Variants in MTCL1 observed in about 807,000 individuals in gnomAD.
MTCL1 encodes the protein microtubule crosslinking factor 1, also known as microtubule cross-linking factor 1.
Under a neutral mutation model 141.4 loss-of-function variants are expected in MTCL1, and 79 were observed. The observed-to-expected ratio is 0.56, with a 90% confidence interval of 0.47 to 0.67. The LOEUF is 0.67. Ranked by LOEUF, MTCL1 falls within the 30% of genes least tolerant of loss-of-function variation. The probability of loss-of-function intolerance (pLI) is 0.00; values close to 1 mark genes in which losing one functional copy is unlikely to be tolerated. For missense variants in MTCL1, 2,177 were observed against 2,113.9 expected (o/e 1.03, Z -0.59); for synonymous variants, 914 against 875.8 (o/e 1.04, Z -0.77).
At chr18:8,800,611 CCATCCTGA>C (rs2143978960) in intron 10 of MTCL1, 1 of 152,376 alleles carries the variant, frequency 6.6e-6, no homozygotes, top group East Asian at 1.9e-4. Context: ...GTTTCCCCAG[CCATCCTGA>C]AGAGCAGAGG....
chr18:8,820,895 C>T (rs2076824048), intron 13 of MTCL1, among the ~76,000 whole-genome samples: 1 of 152,216 alleles, frequency 6.6e-6, no homozygotes, highest in Non-Finnish European at 1.5e-5. Context: ...ATGCCGTTCT[C>T]TACAAACACA....
chr18:8,784,278 G>A (rs2096542879), exon 6 of MTCL1: 2 of 1,594,680 alleles, frequency 1.3e-6, no homozygotes, highest in Middle Eastern at 1.7e-4. Flanking sequence ...GATGCCGAGA[G>A]TGATGCGGGC....
At chr18:8,808,333 C>T (rs1204088651) in intron 11 of MTCL1, among the ~76,000 whole-genome samples, 1 of 152,200 alleles carries the variant, frequency 6.6e-6, no homozygotes, top group African/African-American at 2.4e-5. Context: ...TTAAGTGTTT[C>T]CAAAGCCCGA....
chr18:8,746,981 C>T (rs1474416449), intron 4 of MTCL1, among the ~76,000 whole-genome samples: 1 of 152,168 alleles, frequency 6.6e-6, no homozygotes, highest in African/African-American at 2.4e-5. Flanking sequence ...CTGCCAGTTC[C>T]GTCTCTCCAC....
At chr18:8,765,007 A>G (rs1313727045) in intron 4 of MTCL1, among the ~76,000 whole-genome samples, 3 of 152,206 alleles carry the variant, frequency 2.0e-5, no homozygotes, top group Admixed American at 6.5e-5. Context: ...CTATGTAGGT[A>G]TGTGACTAGG....
intron 7 of MTCL1, among the ~76,000 whole-genome samples, chr18:8,790,161 G>A (rs2143728810): frequency 6.6e-6 from 1 of 152,308 alleles, no homozygotes; most frequent in Non-Finnish European, 1.5e-5. Flanking sequence ...ACTCTTCAAA[G>A]GTGTGGTTCA....
At chr18:8,716,307 G>T (rs2096127792), upstream of MTCL1, among the ~76,000 whole-genome samples, 1 of 152,132 alleles carries the variant, frequency 6.6e-6, no homozygotes, top group South Asian at 2.1e-4. Context: ...ATGAGTCCTG[G>T]TCAAGTGAGT....
At chr18:8,751,131 G>A (rs1030563697) in intron 4 of MTCL1, among the ~76,000 whole-genome samples, 14 of 152,236 alleles carry the variant, frequency 9.2e-5, no homozygotes, top group Non-Finnish European at 2.1e-4. Flanking sequence ...CACATGGACT[G>A]TGTCTGGATT....
At chr18:8,718,643 T>G (rs141424283) in exon 3 of MTCL1, 2 of 1,612,590 alleles carry the variant, frequency 1.2e-6, no homozygotes, top group African/African-American at 2.7e-5. Flanking sequence ...GGAGCAGGAC[T>G]TGAAGGTGAG....
chr18:8,745,455 C>G (rs973339925), intron 4 of MTCL1, among the ~76,000 whole-genome samples: 2 of 152,212 alleles, frequency 1.3e-5, no homozygotes, highest in Non-Finnish European at 2.9e-5. Context: ...TTCTTACATG[C>G]TGATGCCGGC....
upstream of MTCL1, among the ~76,000 whole-genome samples, chr18:8,716,569 A>ATTTTTT (rs138840096): frequency 4.1e-4 from 43 of 103,854 alleles, no homozygotes; most frequent in Non-Finnish European, 5.3e-4. Flanking sequence ...CTTTTTGTTC[A>ATTTTTT]TTTTTTTTTT....
At chr18:8,785,432 C>T (rs1287221103) in intron 6 of MTCL1, among the ~76,000 whole-genome samples, 1 of 152,174 alleles carries the variant, frequency 6.6e-6, no homozygotes, top group Non-Finnish European at 1.5e-5. Flanking sequence ...CTGCTGGCTC[C>T]TGCCGCCCTG....
rs1479309449 is a variant in MTCL1, at chr18:8,828,010, C to T, written c.4723-898C>T. ...CTCAGAGCGGGCATGGAGCACTCAT[C>T]GGCAGCATCTAAATGCCACGGGCTC... On this transcript the variant is annotated intron_variant, in intron 15 of 16. Transcript: ENST00000359865. This position sits in a 1 kb window ranked among gnomAD's most constrained non-coding sequence, Gnocchi z 5.2. 6.6e-6 allele frequency among the ~76,000 whole-genome samples: 1 copy of T among 152,202 alleles called. No homozygotes were observed. Among genetic ancestry groups the T allele is most frequent in the Admixed American group, 6.5e-5 (1 of 15,282 alleles).
chr18:8,706,487 C>T, exon 1 of MTCL1: 1 of 1,270,204 alleles, frequency 7.9e-7, no homozygotes, highest in Non-Finnish European at 9.9e-7. Flanking sequence ...CCCCTCGCCG[C>T]GGGCGCCTGT....
intron 1 of MTCL1, among the ~76,000 whole-genome samples, chr18:8,711,769 C>T (rs1015955244): frequency 1.3e-5 from 2 of 151,220 alleles, no homozygotes; most frequent in Non-Finnish European, 2.9e-5. Flanking sequence ...TGTTTGAGTT[C>T]ATTGTAGATT....
chr18:8,763,650 T>C (rs116396787), intron 4 of MTCL1, among the ~76,000 whole-genome samples: 272 of 152,380 alleles, frequency 1.8e-3, no homozygotes, highest in African/African-American at 6.4e-3. Context: ...TCAGCCTTAT[T>C]GCTCATTTGA....
chr18:8,825,979 G>C (rs570299046), exon 15 of MTCL1: 3 of 1,598,296 alleles, frequency 1.9e-6, no homozygotes, highest in South Asian at 2.3e-5. Flanking sequence ...ACCAATTCCC[G>C]AGGAAGGTCG....
chr18:8,830,396 G>A lies in MTCL1; in HGVS notation c.*19-1211G>A. 2 of 985,562 alleles carry A rather than the reference G, an allele frequency of 2.0e-6. No homozygotes were observed. Among genetic ancestry groups the A allele is most frequent in the Non-Finnish European group, 2.4e-6 (2 of 830,026 alleles). The allele number at this position is 985,562 out of a possible 1,614,324, so 61.1% of individuals were successfully genotyped here. A position where few individuals can be genotyped will look rare whatever the true frequency, so the allele number is the denominator to read the frequency against. On this transcript the variant is annotated intron_variant, in intron 16 of 16. Transcript: ENST00000359865. The surrounding 1 kb of genome is among the most constrained non-coding windows in gnomAD (Gnocchi z 6.4). Reference sequence around the variant, plus strand: ...TCTGCTGACCCCAGAGGGAGGCAGGGAAACCGCTCGCCCCATTGCTCTTCT... The same window carrying A: ...TCTGCTGACCCCAGAGGGAGGCAGGAAAACCGCTCGCCCCATTGCTCTTCT...
intron 6 of MTCL1, 120 bp from the exon 6 acceptor site, chr18:8,785,816 T>C (rs2096551254): frequency 3.3e-6 from 4 of 1,210,002 alleles, no homozygotes; most frequent in African/African-American, 1.5e-5. Flanking sequence ...TCGTCTCCCT[T>C]GTCCATTTTT....
Sources: allele counts gnomAD v4.1 joint callset (sites outside exome capture counted in the v4.1 genomes callset), GRCh38; gene constraint gnomAD v4.1.1; non-coding constraint Gnocchi (gnomAD v3.1); transcripts MANE v1.5; gene names NCBI Gene and HGNC (gene_info 2026-07-23, HGNC 2026-07-21).